PAK6: variants seen among roughly 807,000 people sequenced by gnomAD.
PAK6 encodes serine/threonine-protein kinase PAK 6.
In PAK6, 33 loss-of-function variants were observed where a neutral mutation model predicts 60.8. The observed-to-expected ratio is 0.54, with a 90% CI of 0.41 to 0.73. The LOEUF (loss-of-function observed/expected upper bound fraction) is 0.73, where lower values mean the gene tolerates loss of function less well. Ranked by LOEUF, PAK6 falls within the 30% of genes least tolerant of loss-of-function variation. The probability of loss-of-function intolerance (pLI) is 0.00; values close to 1 mark genes in which losing one functional copy is unlikely to be tolerated. For synonymous variants in PAK6, 404 were observed against 378.5 expected (o/e 1.07, Z -0.78); for missense variants, 845 against 904.1 (o/e 0.93, Z 0.84).
At chr15:40,255,249 T>A (rs904412758) in intron 3 of PAK6, among the ~76,000 whole-genome samples, 2 of 152,176 alleles carry the variant, frequency 1.3e-5, no homozygotes, top group African/African-American at 4.8e-5. Flanking sequence ...AGTGACTGAA[T>A]GAGCTGTATT....
intron 10 of PAK6, 89 bp downstream of exon 10, chr15:40,274,365 C>T (rs1489495990): frequency 2.2e-6 from 3 of 1,371,050 alleles, no homozygotes; most frequent in East Asian, 4.8e-5. Flanking sequence ...ATCTCCCTTC[C>T]ACTGAAGCCA....
intron 3 of PAK6, chr15:40,259,624 TA>T (rs2038930303): frequency 6.6e-6 from 1 of 151,800 alleles, no homozygotes; most frequent in Admixed American, 6.6e-5. Flanking sequence ...CTATCTCTAC[TA>T]AAAATACAAA....
rs373963726 is a variant in PAK6 at position 40,266,492 on chromosome 15, C to T, written c.855C>T (p.Ser285=). Residue 285 remains serine, a synonymous_variant, in exon 5 of 11, where the codon AGC becomes AGT. Transcript: ENST00000560346. ...GCAAGCCAGGCCCTCCACCACAGAG[C>T]AAGGTAAGTCAGGAGCCTGGCCTGC... is the stretch of plus-strand genomic sequence containing the variant. 18 of 1,596,494 alleles carry T rather than the reference C, an allele frequency of 1.1e-5. No individual in the cohort carries two copies. In the African/African-American group the frequency reaches 2.4e-4, roughly 21 times the overall value.
chr15:40,272,699 G>T (rs751980188), exon 6 of PAK6: 2 of 1,594,714 alleles, frequency 1.3e-6, no homozygotes. Flanking sequence ...AAGCAGCAGC[G>T]CAGGGAGCTG....
At chr15:40,273,981 G>A in intron 9 of PAK6, 161 bp from the exon 10 acceptor site, 1 of 814,810 alleles carries the variant, frequency 1.2e-6, no homozygotes, top group Non-Finnish European at 2.0e-6. Context: ...ACTCATGCAG[G>A]CAGTAACTGG....
At chr15:40,259,799 A>AAAG in intron 3 of PAK6, 1 of 151,542 alleles carries the variant, frequency 6.6e-6, no homozygotes, top group East Asian at 1.9e-4. Context: ...AAAAAAAAAA[A>AAAG]AAAAAAAAAA....
intron 2 of PAK6, among the ~76,000 whole-genome samples, chr15:40,248,271 C>T (rs2038551822): frequency 6.6e-6 from 1 of 152,192 alleles, no homozygotes; most frequent in African/African-American, 2.4e-5. Flanking sequence ...CCCTCTTGGT[C>T]CCATCAGCAG....
intron 3 of PAK6, chr15:40,264,442 G>C (rs1336301977): frequency 4.1e-6 from 2 of 486,204 alleles, no homozygotes; most frequent in Non-Finnish European, 4.0e-6. Flanking sequence ...TTCGTTGACA[G>C]ACAGTGGAAT....
chr15:40,264,472 G>A (rs1043392708), intron 3 of PAK6: 1 of 521,750 alleles, frequency 1.9e-6, no homozygotes, highest in African/African-American at 1.9e-5. Context: ...AATGGGCTTT[G>A]GATTTTATAA....
rs1302887115 is a variant in PAK6, at chr15:40,272,210, C to A, written c.859-14C>A. 6.3e-7 allele frequency: 1 copy of A among 1,598,190 alleles called. No individual in the cohort carries two copies. The highest frequency in any genetic ancestry group is 2.2e-5 in the East Asian group (1 of 44,594). ...CCCACAGCCCTGACCCTTCCTGTTG[C>A]TTTGTCCCTGCAGCCCAACTCCTCT... On this transcript the variant is annotated splice_polypyrimidine_tract_variant and intron_variant, in intron 5 of 10. Coordinates refer to ENST00000560346, the Ensembl canonical transcript of PAK6.
rs370397655 is a variant in PAK6 at position 40,266,100 on chromosome 15, C to T, written c.463C>T (p.His155Tyr). ...CTGCAACGGGGGCACACCAGCAGGC[C>T]ACAAGCAGATGCCGTGGCCCGAGCC... is the stretch of plus-strand genomic sequence containing the variant. The change falls in exon 5 of 11, where the codon CAC becomes TAC. Residue 155 changes from histidine to tyrosine, a missense_variant. Physicochemically the swap from His to Tyr is moderately conservative, Grantham distance 83 (BLOSUM62 2). Coordinates refer to ENST00000560346, the Ensembl canonical transcript of PAK6. 1.2e-4 allele frequency: 194 copies of T among 1,609,346 alleles called. No homozygotes were observed. The highest frequency in any genetic ancestry group is 1.6e-4 in the Non-Finnish European group (184 of 1,179,552).
chr15:40,274,184 G>A, exon 10 of PAK6: 4 of 1,614,058 alleles, frequency 2.5e-6, no homozygotes, highest in Non-Finnish European at 3.4e-6. Context: ...TGAGATGGTA[G>A]ATGGGGAGCC....
chr15:40,254,358 G>T (rs2038778540), intron 3 of PAK6, among the ~76,000 whole-genome samples: 1 of 152,212 alleles, frequency 6.6e-6, no homozygotes, highest in African/African-American at 2.4e-5. Context: ...TTGTCAGAGG[G>T]TATTAGAGCA....
intron 3 of PAK6, 132 bp from the exon 4 acceptor site, chr15:40,264,649 T>C (rs560472178): frequency 1.6e-4 from 113 of 721,884 alleles, no homozygotes; most frequent in Non-Finnish European, 2.4e-4. Flanking sequence ...GAGATGGAGG[T>C]GGAGGGAAGC....
chr15:40,277,396 A>G (rs2039483901), exon 11 of PAK6: 1 of 152,600 alleles, frequency 6.6e-6, no homozygotes, highest in African/African-American at 2.4e-5. Flanking sequence ...TTTAAGGGTC[A>G]GAGTTTTCAA....
chr15:40,248,126 C>T (rs1289580373), intron 2 of PAK6, among the ~76,000 whole-genome samples: 3 of 152,206 alleles, frequency 2.0e-5, no homozygotes, highest in African/African-American at 7.2e-5. Flanking sequence ...CAAGAGGGCT[C>T]CCGTCCGCAG....
At chr15:40,257,381 G>T (rs1222019023) in intron 3 of PAK6, among the ~76,000 whole-genome samples, 1 of 152,238 alleles carries the variant, frequency 6.6e-6, no homozygotes, top group African/African-American at 2.4e-5. Context: ...TCCCTTCGGT[G>T]GGCTGTGTCC....
chr15:40,257,917 C>T (rs1335574746), intron 3 of PAK6, among the ~76,000 whole-genome samples: 2 of 152,198 alleles, frequency 1.3e-5, no homozygotes, highest in Non-Finnish European at 2.9e-5. Flanking sequence ...ACAAAACTTA[C>T]TCACCCCCTC....
chr15:40,273,192 A>C (rs1004450341), intron 7 of PAK6, among the ~76,000 whole-genome samples, 154 bp from the exon 8 acceptor site: 5 of 152,188 alleles, frequency 3.3e-5, no homozygotes, highest in Admixed American at 3.3e-4. Flanking sequence ...CTCAGGCCCC[A>C]GTTTTCACCA....
Sources: gnomAD v4.1 joint callset for allele counts (sites outside exome capture counted in the v4.1 genomes callset) on GRCh38, gnomAD v4.1.1 for gene constraint, MANE v1.5 for transcripts, NCBI Gene and HGNC (gene_info 2026-07-23, HGNC 2026-07-21) for gene names.